The following KAZN variants were observed in gnomAD, a reference collection of about 807,000 sequenced individuals.
KAZN encodes the protein kazrin, periplakin interacting protein.
KAZN carries 40 observed loss-of-function variants against 87.4 expected under a neutral mutation model. The observed-to-expected ratio is 0.46, with a 90% confidence interval of 0.36 to 0.60. The LOEUF (loss-of-function observed/expected upper bound fraction) is 0.60. Among genes scored for constraint, KAZN ranks in the 20% least tolerant of loss-of-function variants. KAZN has a pLI of 0.00. For missense variants in KAZN, 898 were observed against 1,073.9 expected, an observed-to-expected ratio of 0.84 and a Z score of 2.29; for synonymous variants, 466 against 458.3, an observed-to-expected ratio of 1.02 and a Z score of -0.22.
chr1:14,779,278 A>G (rs752558207), intron 1 of KAZN, among the ~76,000 whole-genome samples: 25 of 152,152 alleles, frequency 1.6e-4, no homozygotes, highest in Non-Finnish European at 3.2e-4. Context: ...AGTTTGGCAA[A>G]CTAGAGACCA....
intron 2 of KAZN, among the ~76,000 whole-genome samples, chr1:14,474,439 C>A (rs1322331472): frequency 6.6e-6 from 1 of 152,068 alleles, no homozygotes; most frequent in African/African-American, 2.4e-5. Context: ...AAGGAGCTAT[C>A]CAAGGGGAGA....
intron 2 of KAZN, among the ~76,000 whole-genome samples, chr1:14,302,293 T>A (rs2100783351): frequency 6.6e-6 from 1 of 152,352 alleles, no homozygotes; most frequent in East Asian, 1.9e-4. Context: ...GTTGTCACTT[T>A]TTCTCAAATC....
At chr1:14,598,302 G>A (rs1187387272), upstream of KAZN, among the ~76,000 whole-genome samples, 1 of 152,128 alleles carries the variant, frequency 6.6e-6, no homozygotes, top group African/African-American at 2.4e-5. This position sits in a 1 kb window ranked among gnomAD's most constrained non-coding sequence, Gnocchi z 4.2. Context: ...CTGAGCTGGC[G>A]CAAGCGTCTC....
chr1:14,347,747 A>G (rs1658211505), intron 2 of KAZN, among the ~76,000 whole-genome samples: 1 of 152,098 alleles, frequency 6.6e-6, no homozygotes, highest in African/African-American at 2.4e-5. Flanking sequence ...TGTGTGTGTG[A>G]GTGTATGACT....
At chr1:14,324,432 A>G (rs1231464037) in intron 2 of KAZN, among the ~76,000 whole-genome samples, 1 of 152,168 alleles carries the variant, frequency 6.6e-6, no homozygotes, top group Non-Finnish European at 1.5e-5. Context: ...TCTGCCCCAC[A>G]AAGTGCTTAC....
At chr1:14,024,231 C>T (rs930927941) in intron 1 of KAZN, among the ~76,000 whole-genome samples, 3 of 152,164 alleles carry the variant, frequency 2.0e-5, no homozygotes, top group Non-Finnish European at 4.4e-5. Context: ...GGAGGCAACC[C>T]AAATGCCTGA....
At chr1:14,393,338 C>T (rs1395386995) in intron 2 of KAZN, among the ~76,000 whole-genome samples, 1 of 152,090 alleles carries the variant, frequency 6.6e-6, no homozygotes, top group Non-Finnish European at 1.5e-5. Flanking sequence ...ATAATAGATG[C>T]TATATTGCTA....
chr1:14,960,538 AG>A, intron 1 of KAZN, 145 bp from the exon 2 acceptor site: 1 of 794,876 alleles, frequency 1.3e-6, no homozygotes, highest in South Asian at 1.9e-5. Context: ...CTTTGGAATA[AG>A]GCAGTGGCCT....
At chr1:15,047,259 C>T (rs898335818) in intron 4 of KAZN, among the ~76,000 whole-genome samples, 3 of 152,216 alleles carry the variant, frequency 2.0e-5, no homozygotes, top group South Asian at 2.1e-4. Flanking sequence ...CATTGCCCGC[C>T]ATGCCTAAAG....
At position 14,857,059 on chromosome 1, in the gene KAZN, G is replaced by A. The variant is rs572520571; in HGVS notation, c.227-103625G>A. Among the ~76,000 whole-genome samples, 24 of 152,322 alleles carry A rather than the reference G, an allele frequency of 1.6e-4. No individual in the cohort carries two copies. The East Asian group carries it at 1.9e-3, about 12-fold the overall frequency. On this transcript the variant is annotated intron_variant, in intron 1 of 14. Transcript: ENST00000376030. ...GGGGAGAGAAGGAAGCCAACCACGC[G>A]TGAAGGTGGAGAGCACAGGAATCCT...
chr1:14,030,669 CA>C (rs1641287673), intron 1 of KAZN, among the ~76,000 whole-genome samples: 5 of 151,566 alleles, frequency 3.3e-5, no homozygotes, highest in Admixed American at 1.3e-4. Flanking sequence ...CACACACACA[CA>C]CACACACCAA....
intron 1 of KAZN, among the ~76,000 whole-genome samples, chr1:13,996,715 C>T (rs1022604695): frequency 2.6e-5 from 4 of 152,244 alleles, no homozygotes; most frequent in African/African-American, 9.6e-5. Context: ...TGGGCCTAAG[C>T]CCCTAGAGGG....
intron 2 of KAZN, among the ~76,000 whole-genome samples, chr1:14,266,971 T>G (rs1252159150): frequency 6.6e-6 from 1 of 152,054 alleles, no homozygotes; most frequent in Non-Finnish European, 1.5e-5. Context: ...TTTGCCATGT[T>G]GGTGTGCTGC....
chr1:14,826,473 C>G (rs1264642026), intron 1 of KAZN, among the ~76,000 whole-genome samples: 1 of 152,216 alleles, frequency 6.6e-6, no homozygotes, highest in African/African-American at 2.4e-5. Flanking sequence ...CTCCTGAGAG[C>G]CAGGTTGCAA....
intron 2 of KAZN, among the ~76,000 whole-genome samples, chr1:14,353,711 T>A (rs1483030774): frequency 6.6e-6 from 1 of 152,128 alleles, no homozygotes; most frequent in African/African-American, 2.4e-5. Context: ...TACAAAATAT[T>A]TGGGGATAAG....
chr1:14,239,455 C>CTT (rs386366265), intron 2 of KAZN, among the ~76,000 whole-genome samples: 2,602 of 95,602 alleles, frequency 0.027, 147 homozygotes, highest in African/African-American at 0.089. Flanking sequence ...AGTTGGGTTT[C>CTT]TTTTTTTTTT....
At chr1:14,127,627 T>A (rs1644902815) in intron 1 of KAZN, among the ~76,000 whole-genome samples, 1 of 152,154 alleles carries the variant, frequency 6.6e-6, no homozygotes, top group African/African-American at 2.4e-5. Context: ...TGATAACAGA[T>A]AACACTCTAA....
intron 2 of KAZN, among the ~76,000 whole-genome samples, chr1:14,976,661 G>A (rs143559414): frequency 2.0e-5 from 3 of 152,306 alleles, no homozygotes; most frequent in South Asian, 2.1e-4. Context: ...GCTGACCTGC[G>A]ACGAGGCCCA....
chr1:14,853,383 C>T (rs1194963577), intron 1 of KAZN, among the ~76,000 whole-genome samples: 1 of 152,050 alleles, frequency 6.6e-6, no homozygotes, highest in Non-Finnish European at 1.5e-5. Flanking sequence ...GGGTGCCAGG[C>T]GTTTTTCTAC....
Sources: gnomAD v4.1 joint callset for allele counts (sites outside exome capture counted in the v4.1 genomes callset) on GRCh38, gnomAD v4.1.1 for gene constraint, Gnocchi (gnomAD v3.1) non-coding constraint, MANE v1.5 for transcripts, NCBI Gene and HGNC (gene_info 2026-07-23, HGNC 2026-07-21) for gene names.